Variants in PRKG1 observed in about 807,000 individuals in gnomAD.
The protein encoded by PRKG1 is cGMP-dependent protein kinase 1.
In PRKG1, 35 loss-of-function variants were observed where a neutral mutation model predicts 88.1. The observed-to-expected ratio is 0.40, with a 90% CI of 0.30 to 0.53. The LOEUF (loss-of-function observed/expected upper bound fraction) is 0.53. Among genes scored for constraint, PRKG1 ranks in the 20% least tolerant of loss-of-function variants. The pLI, the probability that PRKG1 is intolerant of heterozygous loss-of-function variation, is 0.59. For synonymous variants in PRKG1, 303 were observed against 292.5 expected (o/e 1.04, Z -0.37); for missense variants, 540 against 839.8 (o/e 0.64, Z 4.41).
intron 3 of PRKG1, among the ~76,000 whole-genome samples, chr10:51,530,124 G>C (rs1199414805): frequency 1.3e-5 from 2 of 151,954 alleles, no homozygotes; most frequent in Admixed American, 6.6e-5. Context: ...TTTTTCTATA[G>C]TTTGCATAAG....
intron 2 of PRKG1, among the ~76,000 whole-genome samples, chr10:51,467,224 A>G (rs764143306): frequency 6.6e-6 from 1 of 152,006 alleles, no homozygotes; most frequent in African/African-American, 2.4e-5. Context: ...CAGATAAGAC[A>G]GTCTTGGCCA....
rs1842787888 is a variant in PRKG1 at position 50,991,980 on chromosome 10, C to A, written c.266+336C>A. ...TGGCTGCAGTCGCGCGGCTGTCCTT[C>A]GTGCGCCCCGCTGGGAGCGTCCACG... is the stretch of plus-strand genomic sequence containing the variant. On this transcript the variant is annotated intron_variant, in intron 1 of 17. Transcript: ENST00000401604. The surrounding 1 kb of genome is among the most constrained non-coding windows in gnomAD (Gnocchi z 4.5). 6.6e-6 allele frequency among the ~76,000 whole-genome samples: 1 copy of A among 152,048 alleles called. No homozygotes were observed. Among genetic ancestry groups the A allele is most frequent in the African/African-American group, 2.4e-5 (1 of 41,424 alleles).
At chr10:51,269,731 A>T (rs138484790) in intron 2 of PRKG1, among the ~76,000 whole-genome samples, 2,315 of 152,208 alleles carry the variant, frequency 0.015, 28 homozygotes, top group Middle Eastern at 0.031. Flanking sequence ...TTGGAGGGGG[A>T]TGAGGACTAA....
At chr10:51,275,674 GAC>G (rs1193252590) in intron 2 of PRKG1, among the ~76,000 whole-genome samples, 1 of 152,068 alleles carries the variant, frequency 6.6e-6, no homozygotes, top group Non-Finnish European at 1.5e-5. Flanking sequence ...GAGCTGATGA[GAC>G]AAGAAAAAGG....
chr10:52,218,944 T>C (rs1203135244), intron 9 of PRKG1, among the ~76,000 whole-genome samples: 1 of 152,168 alleles, frequency 6.6e-6, no homozygotes, highest in Non-Finnish European at 1.5e-5. Context: ...GTTTCTGTGT[T>C]GAACCAAAGC....
chr10:51,480,398 A>G (rs947319433), intron 3 of PRKG1, among the ~76,000 whole-genome samples: 20 of 152,170 alleles, frequency 1.3e-4, no homozygotes, highest in Admixed American at 1.0e-3. Context: ...CCCTCTACTT[A>G]AACTCCTCAA....
At chr10:51,281,561 C>T (rs930151773) in intron 2 of PRKG1, among the ~76,000 whole-genome samples, 4 of 152,112 alleles carry the variant, frequency 2.6e-5, no homozygotes, top group Admixed American at 6.5e-5. Context: ...CCTGGAAGCT[C>T]GAACTGGGTG....
At chr10:51,867,652 T>C (rs1238078474) in intron 4 of PRKG1, among the ~76,000 whole-genome samples, 9 of 152,140 alleles carry the variant, frequency 5.9e-5, no homozygotes, top group Non-Finnish European at 1.3e-4. Context: ...TGATATAGAC[T>C]GTGAATTGGA....
intron 4 of PRKG1, among the ~76,000 whole-genome samples, chr10:51,838,696 T>TC (rs943366225): frequency 6.6e-6 from 1 of 152,156 alleles, no homozygotes. Flanking sequence ...ATCCTTTTTT[T>TC]CTGCCTAAAT....
intron 3 of PRKG1, among the ~76,000 whole-genome samples, chr10:51,766,316 G>C (rs558413176): frequency 6.6e-6 from 1 of 152,088 alleles, no homozygotes; most frequent in Non-Finnish European, 1.5e-5. Flanking sequence ...CTCCTAGTGC[G>C]CATGCAGGCC....
At chr10:52,254,409 G>A (rs1398098378) in intron 10 of PRKG1, among the ~76,000 whole-genome samples, 2 of 152,074 alleles carry the variant, frequency 1.3e-5, no homozygotes, top group Non-Finnish European at 2.9e-5. Context: ...AATACTTAGT[G>A]TCTTAGTTTA....
At chr10:51,095,988 G>A (rs1056858935) in intron 1 of PRKG1, among the ~76,000 whole-genome samples, 2 of 152,030 alleles carry the variant, frequency 1.3e-5, no homozygotes, top group African/African-American at 2.4e-5. Flanking sequence ...TTAATTATGA[G>A]CTTTTGTGTT....
intron 3 of PRKG1, among the ~76,000 whole-genome samples, chr10:51,762,384 A>G (rs913810323): frequency 5.9e-5 from 9 of 152,190 alleles, no homozygotes; most frequent in African/African-American, 1.9e-4. Flanking sequence ...ATAAAGCTCA[A>G]TGATAAAGCT....
At chr10:52,114,205 G>A (rs535328391) in intron 7 of PRKG1, among the ~76,000 whole-genome samples, 41 of 152,222 alleles carry the variant, frequency 2.7e-4, no homozygotes, top group African/African-American at 9.4e-4. Context: ...ATCAGAGACA[G>A]ATATGTCTAA....
intron 3 of PRKG1, among the ~76,000 whole-genome samples, chr10:51,586,537 C>G (rs7919399): frequency 0.069 from 10,497 of 152,080 alleles, 1,187 homozygotes; most frequent in African/African-American, 0.24. Context: ...TTTTTGTTCT[C>G]CCTTCACATT....
chr10:51,760,898 T>C (rs1260387918), intron 3 of PRKG1, among the ~76,000 whole-genome samples: 2 of 152,106 alleles, frequency 1.3e-5, no homozygotes, highest in East Asian at 3.9e-4. Context: ...GTGGATCACC[T>C]GAGGTCAGGA....
intron 3 of PRKG1, among the ~76,000 whole-genome samples, chr10:51,703,344 T>C (rs1841521417): frequency 6.6e-6 from 1 of 152,236 alleles, no homozygotes; most frequent in Non-Finnish European, 1.5e-5. Flanking sequence ...ACAGTCATTT[T>C]TGAAATAAGT....
intron 1 of PRKG1, among the ~76,000 whole-genome samples, chr10:51,035,617 G>A (rs924702934): frequency 1.6e-4 from 24 of 152,212 alleles, no homozygotes; most frequent in African/African-American, 3.9e-4. Flanking sequence ...AGCACCTAGC[G>A]CAATCCTTTA....
intron 1 of PRKG1, among the ~76,000 whole-genome samples, chr10:51,045,076 TGTCTC>T (rs1427512213): frequency 1.3e-5 from 2 of 152,250 alleles, no homozygotes; most frequent in African/African-American, 4.8e-5. Context: ...GGAAGAAAAT[TGTCTC>T]TTAAAACACT....
Sources: allele counts gnomAD v4.1 joint callset (sites outside exome capture counted in the v4.1 genomes callset), GRCh38; gene constraint gnomAD v4.1.1; non-coding constraint Gnocchi (gnomAD v3.1); transcripts MANE v1.5; gene names NCBI Gene and HGNC (gene_info 2026-07-23, HGNC 2026-07-21).